Variants in FRMPD3 observed in about 807,000 individuals in gnomAD.
FRMPD3 encodes FERM and PDZ domain-containing protein 3.
FRMPD3 carries 42 observed loss-of-function variants against 97.9 expected under a neutral mutation model. That is an observed-to-expected ratio of 0.43 (90% CI 0.34 to 0.55). FRMPD3 has a LOEUF of 0.55. FRMPD3 is among the 20% of genes least tolerant of loss of function. The pLI, the probability that FRMPD3 is intolerant of heterozygous loss-of-function variation, is 0.03. For missense variants in FRMPD3, 1,303 were observed against 1,457.7 expected, an observed-to-expected ratio of 0.89 and a Z score of 1.73; for synonymous variants, 577 against 581.1, an observed-to-expected ratio of 0.99 and a Z score of 0.10.
intron 3 of FRMPD3, among the ~76,000 whole-genome samples, chrX:107,531,003 C>T (rs185449734): frequency 9.0e-6 from 1 of 110,802 alleles, no homozygotes; most frequent in African/African-American, 3.3e-5. Context: ...CCCCTAAATG[C>T]CCTCCGCAGA....
intron 14 of FRMPD3, 86 bp from the exon 15 acceptor site, chrX:107,600,217 C>T (rs1924425632): frequency 9.2e-6 from 10 of 1,090,159 alleles, no homozygotes; most frequent in Non-Finnish European, 1.1e-5. Flanking sequence ...GAGCCAATCG[C>T]CCATGAATAC....
intron 3 of FRMPD3, among the ~76,000 whole-genome samples, chrX:107,531,656 C>T (rs1167032642): frequency 9.0e-6 from 1 of 111,410 alleles, no homozygotes; most frequent in Admixed American, 9.6e-5. Flanking sequence ...TGTCTGATCC[C>T]TAATGACCTT....
At chrX:107,461,357 A>G (rs761053863) in intron 1 of FRMPD3, among the ~76,000 whole-genome samples, 1 of 110,733 alleles carries the variant, frequency 9.0e-6, no homozygotes, top group Non-Finnish European at 1.9e-5. Context: ...CAATGACACC[A>G]TCACTCTTTT....
chrX:107,474,283 T>C (rs1921143343), intron 1 of FRMPD3, among the ~76,000 whole-genome samples: 1 of 111,191 alleles, frequency 9.0e-6, no homozygotes, highest in African/African-American at 3.3e-5. Flanking sequence ...AAGGAAGAGC[T>C]TGAAACCCTT....
chrX:107,586,516 T>C (rs1012711643), intron 13 of FRMPD3, among the ~76,000 whole-genome samples: 17 of 110,911 alleles, frequency 1.5e-4, no homozygotes, highest in Non-Finnish European at 2.8e-4. Context: ...CTTGCCTCTC[T>C]AGCTATTTTA....
intron 1 of FRMPD3, among the ~76,000 whole-genome samples, chrX:107,468,785 G>A (rs1331986348): frequency 8.9e-6 from 1 of 112,872 alleles, no homozygotes; most frequent in Non-Finnish European, 1.9e-5. Context: ...CACCTGCTTT[G>A]CAGCATTGGC....
chrX:107,514,212 G>T (rs1299084349), intron 1 of FRMPD3, among the ~76,000 whole-genome samples: 1 of 111,967 alleles, frequency 8.9e-6, no homozygotes, highest in Non-Finnish European at 1.9e-5. Context: ...AGGGGTGGGG[G>T]AGTTGGCAGG....
chrX:107,572,756 C>T (rs772431865), intron 12 of FRMPD3, among the ~76,000 whole-genome samples: 1 of 108,872 alleles, frequency 9.2e-6, no homozygotes, highest in African/African-American at 3.4e-5. Flanking sequence ...AATAAAAAAG[C>T]CTTCAGGGTC....
rs745705671 is a variant in FRMPD3 at position 107,549,202 on chromosome X, C to T, written c.403-847C>T. On this transcript the variant is annotated intron_variant, in intron 5 of 14. Transcript: ENST00000683843. The stretch of plus-strand genomic sequence containing the variant: ...AGGCATGGTGACTCTCGCCTGTAAT[C>T]CCAGCTACTACTAGAGAGGCTGAGG... Among the ~76,000 whole-genome samples, 3 of 109,975 alleles carry T rather than the reference C, an allele frequency of 2.7e-5. No homozygotes were observed. The South Asian group carries it at 1.2e-3, about 45-fold the overall frequency.
chrX:107,470,526 A>C (rs1921029727), intron 1 of FRMPD3, among the ~76,000 whole-genome samples: 1 of 112,410 alleles, frequency 8.9e-6, no homozygotes, highest in South Asian at 3.7e-4. Context: ...GAGAGAGTGC[A>C]CACCTAGGCC....
chrX:107,454,349 C>G (rs1369284692), intron 1 of FRMPD3, among the ~76,000 whole-genome samples: 2 of 111,574 alleles, frequency 1.8e-5, no homozygotes, highest in Non-Finnish European at 3.8e-5. Flanking sequence ...AAACTTAACC[C>G]CACTCCTGAG....
rs762530269 is a variant in FRMPD3 at position 107,601,214 on chromosome X, T to C, written c.3175T>C (p.Phe1059Leu). ...AGAGGACAGTCTGCCTGTTCAAAAT[T>C]TCCCTCCCAAAAGCTATCTTTTGCG... ...QQEDSLPVQN[F>L]PPKSYLLRTS... Residue 1059 changes from phenylalanine (F) to leucine (L), a missense_variant, in exon 15 of 15, where the codon TTC becomes CTC. Physicochemically the swap from Phe to Leu is conservative, Grantham distance 22. This residue lies in a region of FRMPD3 where 764 missense variants were observed against 820.2 expected (regional missense o/e 0.93). Transcript: ENST00000683843. 2 of 1,206,178 alleles carry C rather than the reference T, an allele frequency of 1.7e-6. No individual in the cohort carries two copies. Among genetic ancestry groups the C allele is most frequent in the African/African-American group, 3.5e-5 (2 of 56,916 alleles).
intron 1 of FRMPD3, among the ~76,000 whole-genome samples, chrX:107,466,989 GGTGTGTGT>G (rs773231357): frequency 7.1e-5 from 7 of 98,167 alleles, no homozygotes; most frequent in Non-Finnish European, 1.0e-4. Context: ...ACAGGTTGGA[GGTGTGTGT>G]GTGTGTGTGT....
intron 1 of FRMPD3, among the ~76,000 whole-genome samples, chrX:107,485,847 A>G (rs1297821226): frequency 1.8e-5 from 2 of 111,792 alleles, no homozygotes; most frequent in African/African-American, 6.5e-5. Flanking sequence ...CCCACTTAAT[A>G]GCTTTCCCAC....
chrX:107,450,308 C>T (rs1363131909), intron 1 of FRMPD3, among the ~76,000 whole-genome samples: 1 of 111,067 alleles, frequency 9.0e-6, no homozygotes, highest in Non-Finnish European at 1.9e-5. Flanking sequence ...CATTATGGAG[C>T]CTTTGTGTGC....
intron 12 of FRMPD3, among the ~76,000 whole-genome samples, chrX:107,575,596 G>C (rs193230209): frequency 0.015 from 1,695 of 111,260 alleles, 39 homozygotes; most frequent in African/African-American, 0.053. Flanking sequence ...GATTACTGGC[G>C]CCTGCCACCA....
In FRMPD3 at chrX:107,576,105, A is replaced by C. The variant is rs528229222; in HGVS notation, c.1297-210A>C. 1.2e-4 allele frequency among the ~76,000 whole-genome samples: 13 copies of C among 112,443 alleles called. 1 individual carries two copies. In the South Asian group the frequency reaches 4.8e-3, roughly 41 times the overall value. On this transcript the variant is annotated intron_variant, in intron 12 of 14. Coordinates refer to ENST00000683843, the MANE Select transcript of FRMPD3 (RefSeq NM_001388459.1). ...TCATTAAATGTATAATTAAAGGTTG[A>C]TTTAATTTTGATACCTGGGTAAGAG...
At position 107,605,223 on chromosome X, in the gene FRMPD3, G is replaced by A. The variant is rs1215492812; in HGVS notation, c.*1850G>A. ...TATGTCTTGTTTTTCAAACAAGAAT[G>A]ATTAAATCTATTCATCTTACTATCC... On this transcript the variant is annotated 3_prime_UTR_variant, in exon 15 of 15. Transcript: ENST00000683843. The A allele has an allele frequency of 9.0e-6, 1 of 110,788 alleles. No homozygotes were observed. Among genetic ancestry groups the A allele is most frequent in the Non-Finnish European group, 1.9e-5 (1 of 53,018 alleles). 9.1% of individuals were successfully genotyped at this position (110,788 alleles called of 1,213,427 possible). A position where few individuals can be genotyped will look rare whatever the true frequency, so the allele number is the denominator to read the frequency against.
rs1172617933 is a variant in FRMPD3, at chrX:107,545,718, C to T, written c.298-19C>T. 22 of 1,173,231 alleles carry T rather than the reference C, an allele frequency of 1.9e-5. No homozygotes were observed. The highest frequency in any genetic ancestry group is 5.9e-5 in the East Asian group (2 of 33,619). On this transcript the variant is annotated intron_variant, in intron 4 of 14. Transcript: ENST00000683843. ...TCCCTAGATATGGAGAACTCACCATCTCTCTGTTCTTTTTCCAGTCCCCCA... is the reference window on the plus strand; with the variant it reads ...TCCCTAGATATGGAGAACTCACCATTTCTCTGTTCTTTTTCCAGTCCCCCA...
Sources: allele counts gnomAD v4.1 joint callset (sites outside exome capture counted in the v4.1 genomes callset), GRCh38; gene constraint gnomAD v4.1.1; regional missense constraint gnomAD v4.1.1; transcripts MANE v1.5; gene names NCBI Gene and HGNC (gene_info 2026-07-23, HGNC 2026-07-21).